Variants in MTTP observed in about 807,000 individuals in gnomAD.
MTTP encodes the protein microsomal triglyceride transfer protein, also known as microsomal triglyceride transfer protein large subunit.
Under a neutral mutation model 90.6 loss-of-function variants are expected in MTTP, and 49 were observed. That is an observed-to-expected ratio of 0.54 (90% CI 0.43 to 0.69). The LOEUF (loss-of-function observed/expected upper bound fraction) is 0.69. Among genes scored for constraint, MTTP ranks in the 30% least tolerant of loss-of-function variants. MTTP has a pLI of 0.00. For missense variants in MTTP, 945 were observed against 1,067.5 expected (o/e 0.89, Z 1.60); for synonymous variants, 347 against 384.2 (o/e 0.90, Z 1.13).
chr4:99,590,780 T>G lies in MTTP; in HGVS notation c.502-455T>G, dbSNP rs530289824. ...ATGATTTGAGTTAATCCCAGTGGAT[T>G]TTAATTAATCCCACAGGATTTTAAG... On this transcript the variant is annotated intron_variant, in intron 4 of 17. Transcript: ENST00000265517. 2.0e-5 allele frequency among the ~76,000 whole-genome samples: 3 copies of G among 152,186 alleles called. No individual in the cohort carries two copies. In the South Asian group the frequency reaches 6.2e-4, roughly 32 times the overall value.
chr4:99,592,323 G>A (rs550329999), intron 6 of MTTP, among the ~76,000 whole-genome samples: 4 of 152,158 alleles, frequency 2.6e-5, no homozygotes, highest in South Asian at 2.1e-4. Flanking sequence ...CTTATGCTAC[G>A]CTGAATTTCT....
At chr4:99,582,364 A>G (rs1282142715) in intron 2 of MTTP, among the ~76,000 whole-genome samples, 1 of 152,224 alleles carries the variant, frequency 6.6e-6, no homozygotes, top group Non-Finnish European at 1.5e-5. Flanking sequence ...TAGGGAAGTT[A>G]TACTAGAGTC....
chr4:99,583,850 C>A, intron 3 of MTTP: 2 of 465,194 alleles, frequency 4.3e-6, no homozygotes, highest in Non-Finnish European at 7.6e-6. Flanking sequence ...AGCAAGTCAT[C>A]AAAGCATGAT....
rs1188136972 is a variant in MTTP, at chr4:99,623,681, G to A, written c.*833G>A. On this transcript the variant is annotated 3_prime_UTR_variant, in exon 18 of 18. Transcript: ENST00000265517. ...TCCTCATTTTATCTCACCTTTTTGG[G>A]GGTGAGAGCTCTAGTTCATTTAACT... 6.6e-6 allele frequency: 1 copy of A among 152,056 alleles called. No individual in the cohort carries two copies. Among genetic ancestry groups the A allele is most frequent in the African/African-American group, 2.4e-5 (1 of 41,390 alleles). 9.4% of individuals were successfully genotyped at this position (152,056 alleles called of 1,614,324 possible).
intron 1 of MTTP, among the ~76,000 whole-genome samples, chr4:99,566,076 TC>T (rs2110202478): frequency 6.6e-6 from 1 of 151,258 alleles, no homozygotes; most frequent in East Asian, 1.9e-4. Flanking sequence ...GATCACGAGG[TC>T]AGGAGATCAA....
chr4:99,574,878 G>GC lies in MTTP; in HGVS notation c.-31dup. ...CCACTTCTCAGTGACTCCTAGCTGG[G>GC]CACTGGATGCAGTTGAGGATTGCTG... On this transcript the variant is annotated 5_prime_UTR_variant, in exon 1 of 18. Coordinates refer to ENST00000265517, the MANE Select transcript of MTTP (RefSeq NM_001386140.1). 6.2e-7 allele frequency: 1 copy of GC among 1,614,072 alleles called. No homozygotes were observed. Among genetic ancestry groups the GC allele is most frequent in the Non-Finnish European group, 8.5e-7 (1 of 1,179,942 alleles).
In MTTP at chr4:99,606,923, C is replaced by T. The variant is rs1290887961; in HGVS notation, c.1520C>T (p.Ala507Val). 5 of 1,613,668 alleles carry T rather than the reference C, an allele frequency of 3.1e-6. No individual in the cohort carries two copies. The highest frequency in any genetic ancestry group is 4.2e-6 in the Non-Finnish European group (5 of 1,179,890). ...EGPISHLATT[A>V]LQRYDLPFIT... The stretch of plus-strand genomic sequence containing the variant: ...CCCATCAGCCACCTGGCTACCACTG[C>T]TCTCCAGAGATATGATCTCCCTTTC... Residue 507 changes from alanine (A) to valine (V), a missense_variant, in exon 11 of 18, where the codon GCT (alanine) becomes GTT (valine). Coordinates refer to ENST00000265517, the MANE Select transcript of MTTP (RefSeq NM_001386140.1).
intron 15 of MTTP, among the ~76,000 whole-genome samples, chr4:99,617,559 C>T (rs745671571): frequency 9.2e-5 from 14 of 152,036 alleles, no homozygotes; most frequent in Non-Finnish European, 2.1e-4. Flanking sequence ...GTCATCCTGC[C>T]GGTTGCCAGG....
chr4:99,618,708 A>G (rs1726157256), intron 15 of MTTP, among the ~76,000 whole-genome samples: 1 of 152,236 alleles, frequency 6.6e-6, no homozygotes, highest in Non-Finnish European at 1.5e-5. Flanking sequence ...TTCAAAGTGT[A>G]GCAATGATTG....
chr4:99,591,912 A>G, intron 6 of MTTP, 122 bp downstream of exon 6: 1 of 885,342 alleles, frequency 1.1e-6, no homozygotes, highest in Non-Finnish European at 1.8e-6. Context: ...GCATTGCTTA[A>G]CAATGGGAAT....
At chr4:99,583,067 A>G (rs943013761) in intron 2 of MTTP, among the ~76,000 whole-genome samples, 14 of 152,150 alleles carry the variant, frequency 9.2e-5, no homozygotes, top group Admixed American at 9.2e-4. Flanking sequence ...GTAGACAGCA[A>G]CCACAAAAAA....
chr4:99,580,201 G>C (rs1248849781), intron 1 of MTTP, among the ~76,000 whole-genome samples: 1 of 151,624 alleles, frequency 6.6e-6, no homozygotes, highest in African/African-American at 2.4e-5. Context: ...CACTGCCTAG[G>C]AATGGAAAAT....
rs1254409482 is a variant in MTTP at position 99,622,816 on chromosome 4, C to T, written c.2653C>T (p.Gln885Ter). Residue 885 changes from glutamine to a stop codon, truncating the protein, a stop_gained, in exon 18 of 18, where the codon CAG becomes TAG. Coordinates refer to ENST00000265517, the MANE Select transcript of MTTP (RefSeq NM_001386140.1). LOFTEE classifies it high-confidence loss of function. ...SEMCKVVFAP[Q>*]PDSTSSGWF ...GATGTGCAAAGTGGTGTTTGCCCCT[C>T]AGCCGGATAGTACTTCCAGCGGATG... is the stretch of plus-strand genomic sequence containing the variant. 1 of 1,614,022 alleles carries T rather than the reference C, an allele frequency of 6.2e-7. No homozygotes were observed. The highest frequency in any genetic ancestry group is 8.5e-7 in the Non-Finnish European group (1 of 1,180,000).
At chr4:99,609,039 C>T (rs1272660952) in intron 12 of MTTP, 62 bp downstream of exon 12, 11 of 1,406,238 alleles carry the variant, frequency 7.8e-6, no homozygotes, top group African/African-American at 1.4e-5. Flanking sequence ...CATGGGGTAC[C>T]GATGTAGCTA....
intron 7 of MTTP, among the ~76,000 whole-genome samples, chr4:99,596,032 G>A (rs1478636553): frequency 6.6e-6 from 1 of 151,760 alleles, no homozygotes; most frequent in East Asian, 1.9e-4. Context: ...TTCTATTGCA[G>A]CCCTTTAAAG....
chr4:99,574,919 C>G lies in MTTP; in HGVS notation c.10C>G (p.Leu4Val). Reference sequence around the variant, plus strand: ...AGGATTGCTGGTCAATATGATTCTTCTTGCTGTGCTTTTTCTCTGCTTCAT... The same window carrying G: ...AGGATTGCTGGTCAATATGATTCTTGTTGCTGTGCTTTTTCTCTGCTTCAT... MIL[L>V]AVLFLCFISS... Residue 4 changes from leucine (L) to valine (V), a missense_variant, in exon 1 of 18, where the codon CTT becomes GTT. By Grantham distance (32) the Leu-to-Val change is conservative (BLOSUM62 1). Transcript: ENST00000265517. 1.2e-6 allele frequency: 2 copies of G among 1,614,188 alleles called. No individual in the cohort carries two copies. Among genetic ancestry groups the G allele is most frequent in the African/African-American group, 2.7e-5 (2 of 75,044 alleles).
chr4:99,576,153 T>G (rs1168886701), intron 1 of MTTP, among the ~76,000 whole-genome samples: 1 of 152,146 alleles, frequency 6.6e-6, no homozygotes, highest in African/African-American at 2.4e-5. Flanking sequence ...CAAAAGAAAT[T>G]TTTTAATGAG....
chr4:99,619,783 T>C (rs1456532127), intron 16 of MTTP, among the ~76,000 whole-genome samples: 1 of 152,196 alleles, frequency 6.6e-6, no homozygotes, highest in Non-Finnish European at 1.5e-5. Flanking sequence ...GAGCTATGGA[T>C]GAAGGAACTG....
intron 1 of MTTP, among the ~76,000 whole-genome samples, chr4:99,578,579 C>T (rs1222773598): frequency 2.0e-5 from 3 of 152,190 alleles, no homozygotes; most frequent in African/African-American, 7.2e-5. Flanking sequence ...TGTGCTTTAA[C>T]ATTTCCTACT....
Sources: gnomAD v4.1 joint callset for allele counts (sites outside exome capture counted in the v4.1 genomes callset) on GRCh38, gnomAD v4.1.1 for gene constraint, MANE v1.5 for transcripts, NCBI Gene and HGNC (gene_info 2026-07-23, HGNC 2026-07-21) for gene names.